Variants in GPLD1 observed in about 807,000 individuals in gnomAD.
GPLD1 encodes phosphatidylinositol-glycan-specific phospholipase D.
GPLD1 carries 84 observed loss-of-function variants against 112.6 expected under a neutral mutation model. The ratio of observed to expected loss-of-function variants is 0.75; its 90% confidence interval spans 0.63 to 0.89. The LOEUF is 0.89. Among genes scored for constraint, GPLD1 ranks in the 40% least tolerant of loss-of-function variants. The pLI, the probability that GPLD1 is intolerant of heterozygous loss-of-function variation, is 0.00. For missense variants in GPLD1, 1,044 were observed against 1,051.5 expected, an observed-to-expected ratio of 0.99 and a Z score of 0.10; for synonymous variants, 386 against 403.8, an observed-to-expected ratio of 0.96 and a Z score of 0.53.
At chr6:24,452,526 G>A (rs9467170) in intron 14 of GPLD1, among the ~76,000 whole-genome samples, 42,521 of 151,918 alleles carry the variant, frequency 0.28, 6,275 homozygotes, top group Non-Finnish European at 0.31. Context: ...CTACAATCCC[G>A]GCACTTTGGG....
chr6:24,426,859 G>T lies in GPLD1; in HGVS notation c.*2173C>A, dbSNP rs1300291336. ...CCAAATGGCGCTTCCTTGTGCTTTT[G>T]CTGTGCCATAGGTTACTATGCAGCT... is the stretch of plus-strand genomic sequence containing the variant. On this transcript the variant is annotated 3_prime_UTR_variant, in exon 25 of 25. Coordinates refer to ENST00000230036, the MANE Select transcript of GPLD1 (RefSeq NM_001503.4). 3.3e-5 allele frequency among the ~76,000 whole-genome samples: 5 copies of T among 152,190 alleles called. No homozygotes were observed. The highest frequency in any genetic ancestry group is 1.2e-4 in the African/African-American group (5 of 41,450).
downstream of GPLD1, chr6:24,425,161 A>G (rs1465155726): frequency 6.6e-6 from 1 of 152,198 alleles, no homozygotes; most frequent in East Asian, 1.9e-4. Flanking sequence ...GATAATACTT[A>G]TATTTCACAG....
intron 7 of GPLD1, among the ~76,000 whole-genome samples, chr6:24,471,892 G>A (rs1581774669): frequency 1.3e-5 from 2 of 151,950 alleles, no homozygotes; most frequent in South Asian, 4.1e-4. Context: ...AGCTAAGAAC[G>A]GATTTCTTAA....
rs563031707 is a variant in GPLD1 at position 24,485,429 on chromosome 6, T to C, written c.153+646A>G. ...AGCAGCACATATACTAATATTGGAA[T>C]GATACAGAGAAGATTAGCACATTTT... On this transcript the variant is annotated intron_variant, in intron 2 of 24. Coordinates refer to ENST00000230036, the MANE Select transcript of GPLD1 (RefSeq NM_001503.4). Among the ~76,000 whole-genome samples the C allele has an allele frequency of 1.1e-4, 17 of 152,266 alleles. No homozygotes were observed. In the South Asian group the frequency reaches 3.3e-3, roughly 30 times the overall value.
upstream of GPLD1, among the ~76,000 whole-genome samples, chr6:24,491,017 G>A (rs77982613): frequency 0.036 from 5,463 of 152,200 alleles, 189 homozygotes; most frequent in African/African-American, 0.079. Flanking sequence ...GAAAATTCAC[G>A]TAGAAATCTA....
At chr6:24,487,640 A>G (rs115984598) in intron 1 of GPLD1, among the ~76,000 whole-genome samples, 2,687 of 152,300 alleles carry the variant, frequency 0.018, 49 homozygotes, top group African/African-American at 0.051. Flanking sequence ...ACTGCAAGAC[A>G]CTTTAGAATT....
chr6:24,466,971 T>G, intron 8 of GPLD1, 32 bp from the exon 9 acceptor site: 1 of 1,586,302 alleles, frequency 6.3e-7, no homozygotes, highest in Non-Finnish European at 8.7e-7. Context: ...TGGCTGTGAG[T>G]TGCAGTTTGT....
At chr6:24,464,881 C>T (rs542510948) in intron 10 of GPLD1, among the ~76,000 whole-genome samples, 15 of 152,240 alleles carry the variant, frequency 9.9e-5, no homozygotes, top group African/African-American at 2.6e-4. Flanking sequence ...GGCTGCATGT[C>T]CAACAGCATG....
At chr6:24,454,717 G>A (rs944438869) in intron 13 of GPLD1, among the ~76,000 whole-genome samples, 1 of 152,242 alleles carries the variant, frequency 6.6e-6, no homozygotes. Flanking sequence ...TCCTAGATGA[G>A]ATTCCAAGAG....
chr6:24,424,215 GC>G (rs1055534116), downstream of GPLD1: 2 of 123,726 alleles, frequency 1.6e-5, no homozygotes, highest in African/African-American at 2.9e-5. Flanking sequence ...TCTTGTATTT[GC>G]CCCCTTTTTT....
chr6:24,476,181 C>A lies in GPLD1; in HGVS notation c.330G>T (p.Lys110Asn). 6.6e-7 allele frequency: 1 copy of A among 1,516,360 alleles called. No individual in the cohort carries two copies. Among genetic ancestry groups the A allele is most frequent in the South Asian group, 1.2e-5 (1 of 84,338 alleles). The allele number at this position is 1,516,360 out of a possible 1,614,324, so 93.9% of individuals were successfully genotyped here. A position where few individuals can be genotyped will look rare whatever the true frequency, so the allele number is the denominator to read the frequency against. Residue 110 changes from lysine to asparagine, a missense_variant and splice_region_variant, in exon 4 of 25, where the codon AAG (lysine) becomes AAT (asparagine). Coordinates refer to ENST00000230036, the MANE Select transcript of GPLD1 (RefSeq NM_001503.4). ...TTAAGGATTGGAGGACCACGCCTAC[C>A]TTCTCCCAGGGAAGGGGATAGTTCT... Reference protein sequence around the residue: ...IRENYPLPWEKDTEKLVAFLF... With the variant: ...IRENYPLPWENDTEKLVAFLF...
chr6:24,425,750 T>C (rs1325938895), downstream of GPLD1: 1 of 152,258 alleles, frequency 6.6e-6, no homozygotes, highest in Non-Finnish European at 1.5e-5. Flanking sequence ...ATACTGTCTT[T>C]GGAAGGCTCC....
intron 22 of GPLD1, among the ~76,000 whole-genome samples, chr6:24,435,233 G>A (rs527472025): frequency 6.7e-6 from 1 of 150,072 alleles, no homozygotes; most frequent in Non-Finnish European, 1.5e-5. Flanking sequence ...GGATGGTCTC[G>A]ATCTTCTGAC....
chr6:24,455,520 T>C (rs879909688), intron 13 of GPLD1, among the ~76,000 whole-genome samples: 8 of 152,128 alleles, frequency 5.3e-5, no homozygotes, highest in Non-Finnish European at 1.0e-4. Context: ...GTTTTGTATG[T>C]TGTTGTTGTT....
rs535822410 is a variant in GPLD1 at position 24,460,739 on chromosome 6, A to ATT, written c.888-342_888-341dup. Reference sequence around the variant, plus strand: ...GGGAAACTGCTTTGCAAGCATACTGATTTTTTTTTTTTTTTTTTGAGACGG... The same window carrying ATT: ...GGGAAACTGCTTTGCAAGCATACTGATTTTTTTTTTTTTTTTTTTTGAGACGG... On this transcript the variant is annotated intron_variant, in intron 11 of 24. Transcript: ENST00000230036. Among the ~76,000 whole-genome samples, 20 of 139,496 alleles carry ATT rather than the reference A, an allele frequency of 1.4e-4. No individual in the cohort carries two copies. In the East Asian group the frequency reaches 1.5e-3, roughly 10 times the overall value. 91.5% of individuals were successfully genotyped at this position (139,496 alleles called of 152,430 possible).
rs1416801323 is a variant in GPLD1 at position 24,433,818 on chromosome 6, C to G, written c.2359-429G>C. ...CCTCATTTCTACATTTCTTGATTAG[C>G]CTTACAAATGTGCATGCCCTTTGAC... On this transcript the variant is annotated intron_variant, in intron 22 of 24. Transcript: ENST00000230036. Among the ~76,000 whole-genome samples, 4 of 152,088 alleles carry G rather than the reference C, an allele frequency of 2.6e-5. No individual in the cohort carries two copies. In the South Asian group the frequency reaches 8.3e-4, roughly 32 times the overall value.
intron 7 of GPLD1, among the ~76,000 whole-genome samples, chr6:24,472,346 G>A (rs1763853497): frequency 6.6e-6 from 1 of 152,166 alleles, no homozygotes. Flanking sequence ...GGGAGCATAA[G>A]TTAAGATGAT....
intron 20 of GPLD1, among the ~76,000 whole-genome samples, chr6:24,439,964 G>C (rs372575872): frequency 3.3e-5 from 5 of 152,054 alleles, no homozygotes; most frequent in Admixed American, 6.6e-5. Context: ...GTTGTGTTTG[G>C]GATGCAGGGG....
chr6:24,483,510 C>T (rs1398827042), intron 2 of GPLD1, among the ~76,000 whole-genome samples: 1 of 151,456 alleles, frequency 6.6e-6, no homozygotes, highest in Non-Finnish European at 1.5e-5. Context: ...GAAACTGCGA[C>T]TCTACTGAAA....
Sources: gnomAD v4.1 joint callset for allele counts (sites outside exome capture counted in the v4.1 genomes callset) on GRCh38, gnomAD v4.1.1 for gene constraint, MANE v1.5 for transcripts, NCBI Gene and HGNC (gene_info 2026-07-23, HGNC 2026-07-21) for gene names.